Variants in ARID5B observed in about 807,000 individuals in gnomAD.
The protein encoded by ARID5B is AT-rich interaction domain 5B.
ARID5B carries 13 observed loss-of-function variants against 97.2 expected under a neutral mutation model. The observed-to-expected ratio is 0.13, with a 90% CI of 0.09 to 0.21. The LOEUF is 0.21. Ranked by LOEUF, ARID5B falls within the 10% of genes least tolerant of loss-of-function variation. The pLI, the probability that ARID5B is intolerant of heterozygous loss-of-function variation, is 1.00. For missense variants in ARID5B, 1,210 were observed against 1,465.3 expected (o/e 0.83, Z 2.84); for synonymous variants, 556 against 570.3 (o/e 0.97, Z 0.36).
At chr10:61,997,907 C>T (rs1225250885) in intron 3 of ARID5B, among the ~76,000 whole-genome samples, 1 of 152,162 alleles carries the variant, frequency 6.6e-6, no homozygotes, top group Non-Finnish European at 1.5e-5. Context: ...TTGAACTTAG[C>T]GTCTTGGTCT....
At position 61,976,807 on chromosome 10, in the gene ARID5B, C is replaced by T. The variant is rs116886498; in HGVS notation, c.503-23284C>T. ...TAAATTACGTAGCACTTCACAGTTCCATTTTGAGTTATCCAAATTCATTTG... is the reference window on the plus strand; with the variant it reads ...TAAATTACGTAGCACTTCACAGTTCTATTTTGAGTTATCCAAATTCATTTG... On this transcript the variant is annotated intron_variant, in intron 3 of 9. Transcript: ENST00000279873. 5.1e-4 allele frequency among the ~76,000 whole-genome samples: 77 copies of T among 152,046 alleles called. No individual in the cohort carries two copies. In the East Asian group the frequency reaches 0.013, roughly 27 times the overall value.
chr10:62,067,125 G>T (rs1346612393), intron 7 of ARID5B, among the ~76,000 whole-genome samples: 2 of 150,404 alleles, frequency 1.3e-5, no homozygotes, highest in Non-Finnish European at 3.0e-5. Flanking sequence ...TGCTCTTGTT[G>T]CCCAGGCTGG....
chr10:61,988,375 G>A (rs1436306465), intron 3 of ARID5B, among the ~76,000 whole-genome samples: 1 of 152,226 alleles, frequency 6.6e-6, no homozygotes, highest in African/African-American at 2.4e-5. Flanking sequence ...GCTGGTTACA[G>A]CAGAAGGATA....
In ARID5B at chr10:62,028,111, A is replaced by G. The variant is rs982192982; in HGVS notation, c.734-22777A>G. ...TGCGTCCCTGGAAAACAAGAATCCT[A>G]TCTCATATTTCTTTGGTTTTGGTCA... On this transcript the variant is annotated intron_variant, in intron 4 of 9. Coordinates refer to ENST00000279873, the MANE Select transcript of ARID5B (RefSeq NM_032199.3). Among the ~76,000 whole-genome samples the G allele has an allele frequency of 3.3e-5, 5 of 152,302 alleles. No homozygotes were observed. In the South Asian group the frequency reaches 1.0e-3, roughly 32 times the overall value.
chr10:62,004,856 A>T (rs1483846378), intron 4 of ARID5B, among the ~76,000 whole-genome samples: 1 of 152,250 alleles, frequency 6.6e-6, no homozygotes, highest in African/African-American at 2.4e-5. Flanking sequence ...AGATAAAAGG[A>T]TAACTTTAAG....
At chr10:62,068,167 A>T (rs1433435745) in intron 7 of ARID5B, among the ~76,000 whole-genome samples, 1 of 152,226 alleles carries the variant, frequency 6.6e-6, no homozygotes, top group Non-Finnish European at 1.5e-5. Context: ...TAAAATAATT[A>T]TCAAAATACA....
At chr10:61,908,395 C>T (rs943101890) in intron 2 of ARID5B, among the ~76,000 whole-genome samples, 37 of 152,280 alleles carry the variant, frequency 2.4e-4, no homozygotes, top group African/African-American at 8.4e-4. Flanking sequence ...TAATACATGT[C>T]ATAGGCATCC....
intron 2 of ARID5B, among the ~76,000 whole-genome samples, chr10:61,906,481 C>G (rs1359708176): frequency 6.6e-6 from 1 of 152,236 alleles, no homozygotes; most frequent in Admixed American, 6.5e-5. Flanking sequence ...AGTATACCCT[C>G]TTAAAATGGG....
At chr10:61,923,598 C>T (rs796827506) in intron 2 of ARID5B, among the ~76,000 whole-genome samples, 6 of 152,294 alleles carry the variant, frequency 3.9e-5, no homozygotes, top group African/African-American at 1.4e-4. Context: ...GTTTACTGTC[C>T]ATCTCCCCCA....
chr10:61,908,328 A>C (rs1215215230), intron 2 of ARID5B, among the ~76,000 whole-genome samples: 2 of 152,242 alleles, frequency 1.3e-5, no homozygotes, highest in South Asian at 2.1e-4. Flanking sequence ...GATGAGATCA[A>C]CATGTCTAAA....
At position 61,986,784 on chromosome 10, in the gene ARID5B, ACAGCTTG is replaced by A. The variant is rs1284294432; in HGVS notation, c.503-13304_503-13298del. Among the ~76,000 whole-genome samples the A allele has an allele frequency of 2.0e-5, 3 of 152,230 alleles. No homozygotes were observed. The East Asian group carries it at 5.8e-4, about 29-fold the overall frequency. On this transcript the variant is annotated intron_variant, in intron 3 of 9. Transcript: ENST00000279873. ...AGTGTTCCTTGGCATACTTTGGAAA[ACAGCTTG>A]CAAAGCAATAATCAGACAAGTACCT...
chr10:62,043,778 A>G (rs1589271704), intron 4 of ARID5B, among the ~76,000 whole-genome samples: 2 of 152,228 alleles, frequency 1.3e-5, no homozygotes, highest in East Asian at 3.8e-4. Flanking sequence ...GATCAGGAGC[A>G]TTAATAATTA....
chr10:62,014,876 AGGATTTGTAGGGTATATGAAACCTCAGAT>A (rs1315667361), intron 4 of ARID5B, among the ~76,000 whole-genome samples: 2 of 152,204 alleles, frequency 1.3e-5, no homozygotes, highest in African/African-American at 4.8e-5. Flanking sequence ...TCTATTTTCC[AGGATTTGTAGGGTATATGAAACCTCAGAT>A]TAAGAACTCC....
At chr10:61,936,688 G>A (rs1014580997) in intron 2 of ARID5B, among the ~76,000 whole-genome samples, 9 of 152,150 alleles carry the variant, frequency 5.9e-5, no homozygotes, top group Admixed American at 2.0e-4. Flanking sequence ...TGCATGCCAC[G>A]GTTTGGAAAA....
intron 2 of ARID5B, among the ~76,000 whole-genome samples, chr10:61,921,973 C>T (rs745546813): frequency 6.6e-6 from 1 of 152,184 alleles, no homozygotes; most frequent in Non-Finnish European, 1.5e-5. Context: ...TTCCAAATAG[C>T]TGGGACCACA....
At chr10:62,019,091 G>A (rs1839320908) in intron 4 of ARID5B, among the ~76,000 whole-genome samples, 2 of 152,136 alleles carry the variant, frequency 1.3e-5, no homozygotes, top group Non-Finnish European at 2.9e-5. Context: ...GTTCCCTGGA[G>A]GTGTTGGAGC....
rs1336394649 is a variant in ARID5B, at chr10:61,902,172, C to T, written c.35C>T (p.Pro12Leu). ...EPNSLQWVGS[P>L]CGLHGPYIFY... ...CCCCCCCTGCAGTGGGTCGGCTCAC[C>T]GTGTGGCTTGCACGGACCTTACATT... is the stretch of plus-strand genomic sequence containing the variant. The change falls in exon 2 of 10, where the codon CCG becomes CTG. Residue 12 changes from proline to leucine, a missense_variant. Pro to Leu is a moderately conservative substitution (Grantham distance 98, BLOSUM62 -3). Coordinates refer to ENST00000279873, the MANE Select transcript of ARID5B (RefSeq NM_032199.3). 4 of 1,612,598 alleles carry T rather than the reference C, an allele frequency of 2.5e-6. No individual in the cohort carries two copies. Among genetic ancestry groups the T allele is most frequent in the Non-Finnish European group, 3.4e-6 (4 of 1,179,932 alleles).
intron 2 of ARID5B, among the ~76,000 whole-genome samples, chr10:61,911,442 C>A (rs946615296): frequency 7.9e-5 from 12 of 152,040 alleles, no homozygotes; most frequent in Admixed American, 3.3e-4. Context: ...ATATGCTGTT[C>A]AACCTGTTTT....
intron 5 of ARID5B, among the ~76,000 whole-genome samples, chr10:62,056,449 G>A (rs1347049719): frequency 2.0e-5 from 3 of 152,140 alleles, no homozygotes; most frequent in Admixed American, 2.0e-4. Flanking sequence ...GGCCTTGCTG[G>A]TATTGCTGAT....
Sources: allele counts gnomAD v4.1 joint callset (sites outside exome capture counted in the v4.1 genomes callset), GRCh38; gene constraint gnomAD v4.1.1; transcripts MANE v1.5; gene names NCBI Gene and HGNC (gene_info 2026-07-23, HGNC 2026-07-21).